The following POMC variants were observed in gnomAD, a reference collection of about 807,000 sequenced individuals.
The protein encoded by POMC is proopiomelanocortin, also known as pro-opiomelanocortin.
POMC carries 19 observed loss-of-function variants against 18.5 expected under a neutral mutation model. The observed-to-expected ratio is 1.03, with a 90% CI of 0.72 to 1.51. The LOEUF is 1.51. Ranked by LOEUF, POMC falls within the 40% of genes most tolerant of loss-of-function variation. The pLI is 0.00. For missense variants in POMC, 451 were observed against 379.0 expected (o/e 1.19, Z -1.58); for synonymous variants, 179 against 161.9 (o/e 1.11, Z -0.80).
chr2:25,161,724 A>AG lies in POMC; in HGVS notation c.160dup (p.Leu54ProfsTer65), dbSNP rs1671393541. ...CGGGAACATGGGAGTCTCGGCCGAG[A>AG]GGTCGGGCTTGCAGGCCCGGATGCA... On this transcript the variant is annotated frameshift_variant, in exon 3 of 3. Transcript: ENST00000395826. LOFTEE classifies it high-confidence loss of function. This position sits in a 1 kb window ranked among gnomAD's most constrained non-coding sequence, Gnocchi z 5.7. 6.3e-7 allele frequency: 1 copy of AG among 1,594,162 alleles called. No individual in the cohort carries two copies. The highest frequency in any genetic ancestry group is 1.7e-5 in the Admixed American group (1 of 58,078).
intron 2 of POMC, among the ~76,000 whole-genome samples, chr2:25,162,670 C>T (rs6756695): frequency 1.4e-4 from 21 of 152,048 alleles, no homozygotes; most frequent in African/African-American, 4.6e-4. Flanking sequence ...GATCGCGCCA[C>T]TGCACTCCAG....
At position 25,164,909 on chromosome 2, in the gene POMC, A is replaced by T. The variant is rs184096782; in HGVS notation, c.-20-117T>A. On this transcript the variant is annotated intron_variant, in intron 1 of 2. Transcript: ENST00000395826. ...CACACTCTCTTGTGGAGTTAAAGGC[A>T]TTTTAAGGACAGCAGCAATGCTGAG... 1.0e-4 allele frequency: 116 copies of T among 1,118,786 alleles called. 1 individual carries two copies. The highest frequency in any genetic ancestry group is 2.9e-4 in the Middle Eastern group (1 of 3,448). 69.3% of individuals were successfully genotyped at this position (1,118,786 alleles called of 1,614,324 possible).
Position 25,168,154 on chromosome 2 carries a change from CAAAA to C in POMC, c.-21+340_-21+343del, listed in dbSNP as rs376657620. 1.6e-5 allele frequency among the ~76,000 whole-genome samples: 2 copies of C among 125,030 alleles called. No individual in the cohort carries two copies. The highest frequency in any genetic ancestry group is 5.9e-5 in the African/African-American group (2 of 33,824). 82.0% of individuals were successfully genotyped at this position (125,030 alleles called of 152,430 possible). ...GGGCAACAAGAGCGAAACTCCGTCT[CAAAA>C]AAAAAAAAAAAGACCGGGTTGTCCC... On this transcript the variant is annotated intron_variant, in intron 1 of 2. Coordinates refer to ENST00000395826, the MANE Select transcript of POMC (RefSeq NM_000939.4). The surrounding 1 kb of genome is among the most constrained non-coding windows in gnomAD (Gnocchi z 5.2).
intron 1 of POMC, among the ~76,000 whole-genome samples, chr2:25,166,995 G>C (rs527372503): frequency 6.6e-6 from 1 of 152,204 alleles, no homozygotes; most frequent in South Asian, 2.1e-4. Flanking sequence ...TGGAAAAATA[G>C]AAACTTGAAA....
At position 25,168,154 on chromosome 2, in the gene POMC, C is replaced by T. The variant is rs1299604782; in HGVS notation, c.-21+344G>A. On this transcript the variant is annotated intron_variant, in intron 1 of 2. Transcript: ENST00000395826. The surrounding 1 kb of genome is among the most constrained non-coding windows in gnomAD (Gnocchi z 5.2). ...GGGCAACAAGAGCGAAACTCCGTCT[C>T]AAAAAAAAAAAAAAAGACCGGGTTG... Among the ~76,000 whole-genome samples the T allele has an allele frequency of 8.0e-6, 1 of 125,038 alleles. No homozygotes were observed. The highest frequency in any genetic ancestry group is 7.8e-5 in the Admixed American group (1 of 12,812). The allele number at this position is 125,038 out of a possible 152,430, so 82.0% of individuals were successfully genotyped here.
intron 2 of POMC, among the ~76,000 whole-genome samples, chr2:25,162,002 C>G (rs1671410930): frequency 6.6e-6 from 1 of 152,208 alleles, no homozygotes; most frequent in Admixed American, 6.5e-5. Flanking sequence ...TTCTGCCTGG[C>G]AACTGCAACA....
At chr2:25,166,413 C>G (rs983181324) in intron 1 of POMC, among the ~76,000 whole-genome samples, 1 of 152,186 alleles carries the variant, frequency 6.6e-6, no homozygotes, top group Non-Finnish European at 1.5e-5. Flanking sequence ...GATTAAAGCT[C>G]CAAGTTGACC....
Position 25,161,224 on chromosome 2 carries a change from A to G in POMC, c.661T>C (p.Tyr221His). The G allele has an allele frequency of 6.2e-7, 1 of 1,612,370 alleles. No individual in the cohort carries two copies. The highest frequency in any genetic ancestry group is 8.5e-7 in the Non-Finnish European group (1 of 1,179,622). The change falls in exon 3 of 3, where the codon TAC becomes CAC. Residue 221 changes from tyrosine to histidine, a missense_variant. Coordinates refer to ENST00000395826, the MANE Select transcript of POMC (RefSeq NM_000939.4). The surrounding 1 kb of genome is among the most constrained non-coding windows in gnomAD (Gnocchi z 5.7). The part of the protein sequence containing the change: ...VAAEKKDEGP[Y>H]RMEHFRWGSP... The stretch of plus-strand genomic sequence containing the variant: ...CCCCAGCGGAAGTGCTCCATCCTGT[A>G]GGGGCCCTCGTCCTTCTTCTCGGCC...
At chr2:25,166,453 G>C (rs963548374) in intron 1 of POMC, among the ~76,000 whole-genome samples, 14 of 152,212 alleles carry the variant, frequency 9.2e-5, no homozygotes, top group African/African-American at 3.4e-4. Context: ...AAAATGCCCA[G>C]ATGTTACAGT....
chr2:25,167,849 A>G (rs1338426456), intron 1 of POMC, among the ~76,000 whole-genome samples: 2 of 152,352 alleles, frequency 1.3e-5, no homozygotes. Flanking sequence ...AACTGGGAGC[A>G]AGAGATACTA....
Position 25,164,718 on chromosome 2 carries a change from G to A in POMC, c.55C>T (p.Gln19Ter), listed in dbSNP as rs757720012. 6.2e-7 allele frequency: 1 copy of A among 1,614,228 alleles called. No homozygotes were observed. The highest frequency in any genetic ancestry group is 1.7e-5 in the Admixed American group (1 of 60,026). The change falls in exon 2 of 3, where the codon CAG (glutamine) becomes TAG (stop). Residue 19 changes from glutamine to a stop codon, truncating the protein, a stop_gained. Transcript: ENST00000395826. LOFTEE classifies it high-confidence loss of function. ...CAGCCACGCACTTCCATGGAGGCCT[G>A]AAGCAGCAAGGCCAGCAACAGGGCC... ...SGALLLALLL[Q>*]ASMEVRGWCL...
In POMC at chr2:25,161,257, G is replaced by T; in HGVS notation, c.628C>A (p.Leu210Met). The T allele has an allele frequency of 6.2e-7, 1 of 1,612,078 alleles. No homozygotes were observed. The highest frequency in any genetic ancestry group is 8.5e-7 in the Non-Finnish European group (1 of 1,179,132). Reference sequence around the variant, plus strand: ...TCGTCCTTCTTCTCGGCCGCCACCAGCAGGCTGTGCTCCAGGTCGGCCTGG... The same window carrying T: ...TCGTCCTTCTTCTCGGCCGCCACCATCAGGCTGTGCTCCAGGTCGGCCTGG... ...GAQADLEHSL[L>M]VAAEKKDEGP... Residue 210 changes from leucine (L) to methionine (M), a missense_variant, in exon 3 of 3, where the codon CTG becomes ATG. Transcript: ENST00000395826. This position sits in a 1 kb window ranked among gnomAD's most constrained non-coding sequence, Gnocchi z 5.7.
intron 2 of POMC, 56 bp downstream of exon 2, chr2:25,164,585 C>G: frequency 6.2e-7 from 1 of 1,612,326 alleles, no homozygotes; most frequent in Non-Finnish European, 8.5e-7. Context: ...TTTGAGCTTT[C>G]CCAGCTCCAG....
chr2:25,161,258 C>T lies in POMC; in HGVS notation c.627G>A (p.Leu209=). The change falls in exon 3 of 3, where the codon CTG becomes CTA. Residue 209 remains leucine, a synonymous_variant. Coordinates refer to ENST00000395826, the MANE Select transcript of POMC (RefSeq NM_000939.4). The surrounding 1 kb of genome is among the most constrained non-coding windows in gnomAD (Gnocchi z 5.7). ...CGTCCTTCTTCTCGGCCGCCACCAG[C>T]AGGCTGTGCTCCAGGTCGGCCTGGG... ...AGAQADLEHS[L]LVAAEKKDEG... The T allele has an allele frequency of 6.2e-7, 1 of 1,612,258 alleles. No homozygotes were observed. Among genetic ancestry groups the T allele is most frequent in the Non-Finnish European group, 8.5e-7 (1 of 1,179,188 alleles).
Position 25,161,521 on chromosome 2 carries a change from C to A in POMC, c.364G>T (p.Glu122Ter). The change falls in exon 3 of 3, where the codon GAG (glutamate) becomes TAG (stop). Residue 122 changes from glutamate to a stop codon, truncating the protein, a stop_gained. Coordinates refer to ENST00000395826, the MANE Select transcript of POMC (RefSeq NM_000939.4). LOFTEE classifies it high-confidence loss of function. The surrounding 1 kb of genome is among the most constrained non-coding windows in gnomAD (Gnocchi z 5.7). Reference protein sequence around the residue: ...DCGPLPEGGPEPRSDGAKPGP... With the variant: ...DCGPLPEGGP Reference sequence around the variant, plus strand: ...GGCTTGGCACCATCGCTGCGGGGCTCGGGGCCGCCCTCAGGCAGCGGGCCG... The same window carrying A: ...GGCTTGGCACCATCGCTGCGGGGCTAGGGGCCGCCCTCAGGCAGCGGGCCG... The A allele has an allele frequency of 6.3e-7, 1 of 1,590,816 alleles. No individual in the cohort carries two copies. The highest frequency in any genetic ancestry group is 1.3e-5 in the African/African-American group (1 of 74,382).
chr2:25,161,815 C>G lies in POMC; in HGVS notation c.133-63G>C, dbSNP rs1015572579. On this transcript the variant is annotated intron_variant, in intron 2 of 2. Transcript: ENST00000395826. This position sits in a 1 kb window ranked among gnomAD's most constrained non-coding sequence, Gnocchi z 5.7. ...CCCGCACCCCGGCCCGGCTGCCGCG[C>G]CCGTCACTGCGCCTAGGCCCTGGCC... is the stretch of plus-strand genomic sequence containing the variant. 6.6e-7 allele frequency: 1 copy of G among 1,516,880 alleles called. No homozygotes were observed. The highest frequency in any genetic ancestry group is 1.4e-5 in the African/African-American group (1 of 71,352). 94.0% of individuals were successfully genotyped at this position (1,516,880 alleles called of 1,614,324 possible). A position where few individuals can be genotyped will look rare whatever the true frequency, so the allele number is the denominator to read the frequency against.
Position 25,161,029 on chromosome 2 carries a change from G to A in POMC, c.*52C>T. ...GCAGCAGGGCAGGGGAGAGCAAGGG[G>A]CTTTGGGGTCGACCTCCTGGGGGAG... On this transcript the variant is annotated 3_prime_UTR_variant, in exon 3 of 3. Transcript: ENST00000395826. The surrounding 1 kb of genome is among the most constrained non-coding windows in gnomAD (Gnocchi z 5.7). 6.2e-7 allele frequency: 1 copy of A among 1,612,492 alleles called. No homozygotes were observed. The highest frequency in any genetic ancestry group is 1.1e-5 in the South Asian group (1 of 91,020).
intron 1 of POMC, among the ~76,000 whole-genome samples, chr2:25,165,967 T>C (rs1671540833): frequency 6.6e-6 from 1 of 152,258 alleles, no homozygotes; most frequent in Admixed American, 6.5e-5. Flanking sequence ...TGACTAAGTG[T>C]CTTGTCACTC....
chr2:25,162,848 C>T (rs1250414609), intron 2 of POMC, among the ~76,000 whole-genome samples: 1 of 152,236 alleles, frequency 6.6e-6, no homozygotes, highest in Non-Finnish European at 1.5e-5. Flanking sequence ...TTCACGACTT[C>T]TGAGCTGATT....
Sources: allele counts gnomAD v4.1 joint callset (sites outside exome capture counted in the v4.1 genomes callset), GRCh38; gene constraint gnomAD v4.1.1; non-coding constraint Gnocchi (gnomAD v3.1); transcripts MANE v1.5; gene names NCBI Gene and HGNC (gene_info 2026-07-23, HGNC 2026-07-21).